The following CHN2 variants were observed in gnomAD, a reference collection of about 807,000 sequenced individuals.
CHN2 encodes the protein chimerin 2, also known as beta-chimaerin.
A neutral mutation model predicts 56.3 loss-of-function variants in CHN2; 35 were observed. That is an observed-to-expected ratio of 0.62 (90% CI 0.47 to 0.82). CHN2 has a LOEUF of 0.82. Among genes scored for constraint, CHN2 ranks in the 40% least tolerant of loss-of-function variants. CHN2 has a pLI of 0.00. For missense variants in CHN2, 491 were observed against 580.5 expected (o/e 0.85, Z 1.58); for synonymous variants, 210 against 212.8 (o/e 0.99, Z 0.12).
intron 6 of CHN2, among the ~76,000 whole-genome samples, chr7:29,446,811 C>G (rs1562614284): frequency 6.6e-6 from 1 of 152,174 alleles, no homozygotes; most frequent in Non-Finnish European, 1.5e-5. Flanking sequence ...GACATTCATA[C>G]TGGGTCAGAA....
At chr7:29,462,159 A>G (rs116286936) in intron 6 of CHN2, among the ~76,000 whole-genome samples, 3,031 of 152,252 alleles carry the variant, frequency 0.02, 84 homozygotes, top group African/African-American at 0.067. Context: ...AACACTGCTG[A>G]GCATTAATTC....
At chr7:29,482,277 TAGC>T (rs887494878) in intron 7 of CHN2, among the ~76,000 whole-genome samples, 2 of 152,206 alleles carry the variant, frequency 1.3e-5, no homozygotes, top group Admixed American at 6.5e-5. Context: ...CTTTGAAACT[TAGC>T]AGACCTCAAG....
At chr7:29,245,307 T>C (rs931464756) in intron 1 of CHN2, among the ~76,000 whole-genome samples, 10 of 152,216 alleles carry the variant, frequency 6.6e-5, no homozygotes, top group Non-Finnish European at 1.0e-4. Flanking sequence ...CTAATCAGGC[T>C]AACAAAAGGT....
intron 11 of CHN2, among the ~76,000 whole-genome samples, 189 bp from the exon 12 acceptor site, chr7:29,509,112 G>A (rs1157499317): frequency 6.6e-6 from 1 of 152,188 alleles, no homozygotes; most frequent in Admixed American, 6.5e-5. Flanking sequence ...AGCATGTGGT[G>A]CTCAGCCTCA....
At chr7:29,439,711 G>A (rs1050059343) in intron 6 of CHN2, among the ~76,000 whole-genome samples, 2 of 152,166 alleles carry the variant, frequency 1.3e-5, no homozygotes, top group African/African-American at 4.8e-5. Context: ...CTATGGTCCA[G>A]AATGGTTCTT....
At chr7:29,293,858 T>A (rs886746643) in intron 1 of CHN2, among the ~76,000 whole-genome samples, 32 of 22,014 alleles carry the variant, frequency 1.5e-3, no homozygotes, top group African/African-American at 5.4e-3. Context: ...AGGCTGGGAA[T>A]TTTTTTTTTT....
intron 6 of CHN2, chr7:29,479,966 C>G (rs747990046): frequency 6.9e-7 from 1 of 1,455,766 alleles, no homozygotes; most frequent in Non-Finnish European, 9.0e-7. Flanking sequence ...CTGGGCCTTT[C>G]AGGTCACATG....
At chr7:29,381,475 AAAGTG>A (rs2128058321) in intron 3 of CHN2, among the ~76,000 whole-genome samples, 1 of 152,280 alleles carries the variant, frequency 6.6e-6, no homozygotes, top group East Asian at 1.9e-4. Context: ...AGAGTGGGTG[AAAGTG>A]AGCTGCTGGG....
intron 7 of CHN2, among the ~76,000 whole-genome samples, chr7:29,480,892 G>C (rs1191192172): frequency 3.2e-5 from 4 of 126,582 alleles, no homozygotes; most frequent in Admixed American, 1.9e-4. Context: ...ACGGCTAGCA[G>C]GGGGGGCACC....
chr7:29,405,489 C>T (rs1802578514), intron 6 of CHN2, among the ~76,000 whole-genome samples: 1 of 152,128 alleles, frequency 6.6e-6, no homozygotes, highest in African/African-American at 2.4e-5. Context: ...TCAGCTGTGC[C>T]CTCTGGGACC....
chr7:29,482,087 C>T (rs1787310980), intron 7 of CHN2, among the ~76,000 whole-genome samples: 1 of 152,120 alleles, frequency 6.6e-6, no homozygotes, highest in Non-Finnish European at 1.5e-5. Context: ...CTGTTGCTAA[C>T]ACAATATATT....
chr7:29,374,241 C>G (rs551379615), intron 3 of CHN2, among the ~76,000 whole-genome samples: 43 of 152,124 alleles, frequency 2.8e-4, no homozygotes, highest in African/African-American at 1.0e-3. Context: ...GCTGTCAGGC[C>G]TTTTTCTTGA....
chr7:29,467,946 T>G (rs1785672010), intron 6 of CHN2, among the ~76,000 whole-genome samples: 1 of 152,140 alleles, frequency 6.6e-6, no homozygotes. Context: ...TACCACTATG[T>G]TTTAAGTGGT....
intron 2 of CHN2, among the ~76,000 whole-genome samples, chr7:29,149,103 G>A (rs1484651793): frequency 6.6e-6 from 1 of 151,678 alleles, no homozygotes; most frequent in Non-Finnish European, 1.5e-5. Context: ...TAGAAAATTA[G>A]ACTGGAGCCA....
rs1175429614 is a variant in CHN2 at position 29,233,825 on chromosome 7, A to ATTTTTTTTTTTTTTTTTTTTT, written c.49+38841_49+38861dup. ...AGAATGCAGCCCTGCCAACACCTTG[A>ATTTTTTTTTTTTTTTTTTTTT]TTTTTTTTTTTTTTTTTTTTTTTTT... On this transcript the variant is annotated intron_variant, in intron 1 of 12. Transcript: ENST00000222792. Among the ~76,000 whole-genome samples, 10 of 53,200 alleles carry ATTTTTTTTTTTTTTTTTTTTT rather than the reference A, an allele frequency of 1.9e-4. 2 individuals carry two copies. Among genetic ancestry groups the ATTTTTTTTTTTTTTTTTTTTT allele is most frequent in the Admixed American group, 3.3e-4 (1 of 2,988 alleles). The allele number at this position is 53,200 out of a possible 152,430, so 34.9% of individuals were successfully genotyped here.
chr7:29,153,843 T>A lies in CHN2; in HGVS notation c.274+6883T>A, dbSNP rs141992293. The stretch of plus-strand genomic sequence containing the variant: ...CCTCGGCCTCTCTAAGTGCTGGGAT[T>A]ACAGGCATGAGCCACCGCACCTGGC... On this transcript the variant is annotated intron_variant, in intron 2 of 6. Transcript: ENST00000439384. Among the ~76,000 whole-genome samples, 1,048 of 152,364 alleles carry A rather than the reference T, an allele frequency of 6.9e-3. 15 individuals carry two copies. The highest frequency in any genetic ancestry group is 0.024 in the African/African-American group (1,003 of 41,580).
chr7:29,224,162 G>A (rs1348698217), intron 1 of CHN2, among the ~76,000 whole-genome samples: 3 of 152,060 alleles, frequency 2.0e-5, no homozygotes, highest in Non-Finnish European at 4.4e-5. Flanking sequence ...TCTGAAACAC[G>A]AACAATTAGG....
chr7:29,190,454 T>C (rs1031128965), upstream of CHN2, among the ~76,000 whole-genome samples: 2 of 152,240 alleles, frequency 1.3e-5, no homozygotes, highest in African/African-American at 4.8e-5. Context: ...GCTCCTGCTA[T>C]GACAGCCACG....
chr7:29,345,648 G>C (rs1030465019), intron 1 of CHN2, among the ~76,000 whole-genome samples: 2 of 152,132 alleles, frequency 1.3e-5, no homozygotes. Flanking sequence ...ATCGTGCAGA[G>C]TTTCGTAAGG....
Sources: gnomAD v4.1 joint callset for allele counts (sites outside exome capture counted in the v4.1 genomes callset) on GRCh38, gnomAD v4.1.1 for gene constraint, MANE v1.5 for transcripts, NCBI Gene and HGNC (gene_info 2026-07-23, HGNC 2026-07-21) for gene names.